DLG2: variants seen among roughly 807,000 people sequenced by gnomAD.
The protein encoded by DLG2 is discs large MAGUK scaffold protein 2.
Under a neutral mutation model 132.5 loss-of-function variants are expected in DLG2, and 45 were observed. That is an observed-to-expected ratio of 0.34 (90% confidence interval 0.27 to 0.44). The LOEUF is 0.44. Ranked by LOEUF, DLG2 falls within the 20% of genes least tolerant of loss-of-function variation. The pLI, the probability that DLG2 is intolerant of heterozygous loss-of-function variation, is 1.00. For synonymous variants in DLG2, 424 were observed against 419.6 expected, an observed-to-expected ratio of 1.01 and a Z score of -0.13; for missense variants, 1,045 against 1,196.9, an observed-to-expected ratio of 0.87 and a Z score of 1.87.
At chr11:85,459,012 T>C (rs1156716470) in intron 3 of DLG2, among the ~76,000 whole-genome samples, 1 of 152,200 alleles carries the variant, frequency 6.6e-6, no homozygotes, top group Non-Finnish European at 1.5e-5. Flanking sequence ...ATGGGGCACC[T>C]GTGCTTTGGG....
intron 6 of DLG2, among the ~76,000 whole-genome samples, chr11:84,591,777 C>G (rs1211673073): frequency 1.3e-5 from 2 of 152,280 alleles, no homozygotes; most frequent in African/African-American, 4.8e-5. Context: ...ATTTACAACT[C>G]CTGATACCCA....
intron 18 of DLG2, among the ~76,000 whole-genome samples, chr11:83,650,033 G>A (rs549177659): frequency 4.7e-4 from 72 of 152,304 alleles, no homozygotes; most frequent in Non-Finnish European, 8.8e-4. Context: ...ATAAAAGGAG[G>A]CAGACCTGGA....
chr11:85,055,345 T>A (rs1364284324), intron 6 of DLG2, among the ~76,000 whole-genome samples: 2 of 152,142 alleles, frequency 1.3e-5, no homozygotes, highest in Non-Finnish European at 2.9e-5. Context: ...AAAGGATGGA[T>A]TATAAAAAAT....
At chr11:84,357,985 A>C (rs1230041129) in intron 7 of DLG2, among the ~76,000 whole-genome samples, 2 of 152,102 alleles carry the variant, frequency 1.3e-5, no homozygotes, top group East Asian at 3.9e-4. Context: ...AAATGAAATA[A>C]AAGATTTCTA....
rs1210157675 is a variant in DLG2, at chr11:85,104,581, TAG to T, written c.357+7078_357+7079del. The stretch of plus-strand genomic sequence containing the variant: ...AATGGGAAATTACTGCTAATGGATG[TAG>T]AGTTTCTTTTAGGGTCATAAAAATG... On this transcript the variant is annotated intron_variant, in intron 6 of 27. Coordinates refer to ENST00000376104, the MANE Select transcript of DLG2 (RefSeq NM_001142699.3). Among the ~76,000 whole-genome samples the T allele has an allele frequency of 2.6e-5, 4 of 151,982 alleles. No individual in the cohort carries two copies. The East Asian group carries it at 7.8e-4, about 29-fold the overall frequency.
chr11:85,149,233 CT>C (rs553606999), intron 5 of DLG2, among the ~76,000 whole-genome samples: 10 of 151,914 alleles, frequency 6.6e-5, no homozygotes, highest in Non-Finnish European at 1.0e-4. Context: ...GCTATATGGG[CT>C]TTTTTTGGTT....
At chr11:85,521,499 T>C (rs2153178005) in intron 3 of DLG2, among the ~76,000 whole-genome samples, 1 of 152,220 alleles carries the variant, frequency 6.6e-6, no homozygotes, top group East Asian at 1.9e-4. Flanking sequence ...GACTAACTGG[T>C]GCCACAGAGA....
At chr11:83,628,148 C>G (rs2062930964) in intron 19 of DLG2, among the ~76,000 whole-genome samples, 1 of 152,122 alleles carries the variant, frequency 6.6e-6, no homozygotes. Flanking sequence ...CAAAAATTTT[C>G]TCTCATTCTG....
chr11:84,343,222 T>C (rs2098523680), intron 7 of DLG2, among the ~76,000 whole-genome samples: 1 of 152,168 alleles, frequency 6.6e-6, no homozygotes, highest in African/African-American at 2.4e-5. Context: ...GGGCAAAAGT[T>C]AGAATGAACA....
At chr11:85,162,494 A>G (rs952558305) in intron 4 of DLG2, among the ~76,000 whole-genome samples, 1 of 152,228 alleles carries the variant, frequency 6.6e-6, no homozygotes, top group African/African-American at 2.4e-5. Context: ...CAGCTGCAAG[A>G]ATGAGGACTG....
At position 84,630,979 on chromosome 11, in the gene DLG2, T is replaced by TTCTCTCTC. The variant is rs369904915; in HGVS notation, c.358-96256_358-96249dup. On this transcript the variant is annotated intron_variant, in intron 6 of 27. Transcript: ENST00000376104. ...TGGTCTGGGTGATTCTTAAATGCATTTCTCTCTCTCTCTCTCTCTCTCTCT... is the reference window on the plus strand; with the variant it reads ...TGGTCTGGGTGATTCTTAAATGCATTTCTCTCTCTCTCTCTCTCTCTCTCTCTCTCTCT... Among the ~76,000 whole-genome samples, 415 of 51,078 alleles carry TTCTCTCTC rather than the reference T, an allele frequency of 8.1e-3. 2 individuals are homozygous for TTCTCTCTC. The highest frequency in any genetic ancestry group is 0.012 in the Middle Eastern group (1 of 82). 33.5% of individuals were successfully genotyped at this position (51,078 alleles called of 152,430 possible).
intron 3 of DLG2, among the ~76,000 whole-genome samples, chr11:85,567,691 C>A (rs190297914): frequency 1.2e-3 from 177 of 152,232 alleles, no homozygotes; most frequent in African/African-American, 4.2e-3. Flanking sequence ...CAAACATCCT[C>A]ATCTTATTAT....
At chr11:83,983,540 T>C (rs2449597) in intron 11 of DLG2, among the ~76,000 whole-genome samples, 19,610 of 152,050 alleles carry the variant, frequency 0.13, 1,803 homozygotes, top group East Asian at 0.31. Context: ...AATGATGGCA[T>C]AGTAAATTAT....
chr11:83,836,924 A>T (rs1363432112), intron 16 of DLG2, among the ~76,000 whole-genome samples: 2 of 151,486 alleles, frequency 1.3e-5, no homozygotes, highest in Non-Finnish European at 2.9e-5. Context: ...AACAGCAGGG[A>T]GGGAGACACA....
At chr11:84,436,274 AC>A (rs928096688) in intron 7 of DLG2, among the ~76,000 whole-genome samples, 39 of 152,186 alleles carry the variant, frequency 2.6e-4, no homozygotes, top group African/African-American at 9.4e-4. Flanking sequence ...TAAAGTCAGA[AC>A]CCCAGTGATA....
intron 18 of DLG2, among the ~76,000 whole-genome samples, chr11:83,742,024 G>A (rs2092557757): frequency 6.6e-6 from 1 of 152,122 alleles, no homozygotes; most frequent in African/African-American, 2.4e-5. Context: ...TCTCCCAGAA[G>A]ACTGGTGATT....
intron 3 of DLG2, among the ~76,000 whole-genome samples, chr11:85,467,779 G>A (rs974267736): frequency 6.6e-6 from 1 of 152,058 alleles, no homozygotes; most frequent in Non-Finnish European, 1.5e-5. Flanking sequence ...ATCTTTTTTT[G>A]TTATGTCTCT....
At chr11:84,747,042 G>A (rs187673429) in intron 6 of DLG2, among the ~76,000 whole-genome samples, 2 of 152,234 alleles carry the variant, frequency 1.3e-5, no homozygotes, top group South Asian at 2.1e-4. Flanking sequence ...CTGGCAAGGC[G>A]GATAGCATTA....
At chr11:83,694,410 C>A (rs1339813299) in intron 18 of DLG2, among the ~76,000 whole-genome samples, 1 of 152,102 alleles carries the variant, frequency 6.6e-6, no homozygotes, top group Non-Finnish European at 1.5e-5. Context: ...GACTAGCCTG[C>A]CTGAACATGA....
Sources: gnomAD v4.1 joint callset for allele counts (sites outside exome capture counted in the v4.1 genomes callset) on GRCh38, gnomAD v4.1.1 for gene constraint, MANE v1.5 for transcripts, NCBI Gene and HGNC (gene_info 2026-07-23, HGNC 2026-07-21) for gene names.